The following NAALADL2 variants were observed in gnomAD, a reference collection of about 807,000 sequenced individuals.
NAALADL2 encodes the protein N-acetylated alpha-linked acidic dipeptidase like 2.
Under a neutral mutation model 87.2 loss-of-function variants are expected in NAALADL2, and 76 were observed. The ratio of observed to expected loss-of-function variants is 0.87; its 90% CI spans 0.72 to 1.05. NAALADL2 has a LOEUF of 1.05. Ranked by LOEUF, NAALADL2 falls within the 50% of genes least tolerant of loss-of-function variation. The pLI, the probability that NAALADL2 is intolerant of heterozygous loss-of-function variation, is 0.00. For missense variants in NAALADL2, 1,089 were observed against 945.8 expected (o/e 1.15, Z -1.99); for synonymous variants, 354 against 331.0 (o/e 1.07, Z -0.75).
chr3:175,046,821 G>A lies in NAALADL2; in HGVS notation c.44-49969G>A, dbSNP rs115331553. Among the ~76,000 whole-genome samples the A allele has an allele frequency of 6.8e-3, 1,030 of 152,216 alleles. 7 individuals are homozygous for A. The highest frequency in any genetic ancestry group is 0.024 in the African/African-American group (979 of 41,542). On this transcript the variant is annotated intron_variant, in intron 1 of 13. Transcript: ENST00000454872. ...GATAGCTCTGAAAACCATCATCCCT[G>A]CAAACGTAGTGAAAGCCAGCAACCT... is the stretch of plus-strand genomic sequence containing the variant.
At chr3:175,064,475 A>T (rs1714175543) in intron 1 of NAALADL2, among the ~76,000 whole-genome samples, 1 of 151,946 alleles carries the variant, frequency 6.6e-6, no homozygotes, top group Non-Finnish European at 1.5e-5. Flanking sequence ...GGGCGCCTTA[A>T]CTGCCCTCTC....
At chr3:174,779,322 G>GTTTT (rs200228189) in intron 3 of NAALADL2, among the ~76,000 whole-genome samples, 2 of 151,142 alleles carry the variant, frequency 1.3e-5, no homozygotes, top group African/African-American at 4.8e-5. Flanking sequence ...TTTTGATGGG[G>GTTTT]TTGTTTTTTT....
intron 2 of NAALADL2, among the ~76,000 whole-genome samples, chr3:175,207,828 G>A (rs971620008): frequency 8.5e-5 from 13 of 152,146 alleles, no homozygotes; most frequent in Non-Finnish European, 2.9e-5. Flanking sequence ...CACTGACAGA[G>A]CAGTGATGTC....
At chr3:175,710,039 T>G (rs1387061677) in intron 11 of NAALADL2, among the ~76,000 whole-genome samples, 1 of 152,068 alleles carries the variant, frequency 6.6e-6, no homozygotes, top group Non-Finnish European at 1.5e-5. Flanking sequence ...TCTTGTATTT[T>G]TTTTAAGATG....
chr3:175,723,283 C>T (rs1742487271), intron 11 of NAALADL2, among the ~76,000 whole-genome samples: 1 of 152,096 alleles, frequency 6.6e-6, no homozygotes, highest in South Asian at 2.1e-4. Context: ...CTTCAGTACT[C>T]TCAGTACTCC....
chr3:174,802,091 A>G (rs1718910392), intron 3 of NAALADL2, among the ~76,000 whole-genome samples: 1 of 152,082 alleles, frequency 6.6e-6, no homozygotes, highest in African/African-American at 2.4e-5. Context: ...TTTCAATGTC[A>G]GTCTATGTCC....
intron 1 of NAALADL2, among the ~76,000 whole-genome samples, chr3:174,460,508 A>T (rs1424589238): frequency 6.6e-6 from 1 of 152,084 alleles, no homozygotes; most frequent in African/African-American, 2.4e-5. Flanking sequence ...TTAGAAGCAT[A>T]TAAAGAAATA....
At chr3:174,675,801 TC>T (rs912467621) in intron 2 of NAALADL2, among the ~76,000 whole-genome samples, 1 of 152,050 alleles carries the variant, frequency 6.6e-6, no homozygotes, top group Non-Finnish European at 1.5e-5. Flanking sequence ...GATTTTATGT[TC>T]CAATGTTTTC....
intron 1 of NAALADL2, among the ~76,000 whole-genome samples, chr3:174,963,757 A>G (rs1233736079): frequency 6.6e-6 from 1 of 152,166 alleles, no homozygotes; most frequent in Non-Finnish European, 1.5e-5. Context: ...ACAGCTTAAA[A>G]TCATGTTTAG....
chr3:175,667,281 G>T (rs1733323814), intron 11 of NAALADL2, among the ~76,000 whole-genome samples: 2 of 150,978 alleles, frequency 1.3e-5, no homozygotes, highest in African/African-American at 2.5e-5. Flanking sequence ...AAGGGATGGG[G>T]ATCTGAAGGG....
At chr3:175,195,629 A>G (rs556268141) in intron 2 of NAALADL2, among the ~76,000 whole-genome samples, 2 of 151,916 alleles carry the variant, frequency 1.3e-5, no homozygotes, top group Non-Finnish European at 2.9e-5. Context: ...GCAAAGAGGT[A>G]AAAAAGAAGC....
intron 1 of NAALADL2, among the ~76,000 whole-genome samples, chr3:174,465,943 G>T (rs1268769371): frequency 6.6e-6 from 1 of 152,078 alleles, no homozygotes; most frequent in Non-Finnish European, 1.5e-5. Context: ...ATACCAAAGA[G>T]ACCCAACAGT....
intron 3 of NAALADL2, among the ~76,000 whole-genome samples, chr3:174,759,976 G>A (rs1172147017): frequency 4.6e-5 from 7 of 152,204 alleles, no homozygotes; most frequent in Non-Finnish European, 8.8e-5. Flanking sequence ...TGGGATTACA[G>A]GCATGAGCCA....
chr3:174,685,216 A>G (rs1170174845), intron 2 of NAALADL2, among the ~76,000 whole-genome samples: 1 of 152,146 alleles, frequency 6.6e-6, no homozygotes, highest in Non-Finnish European at 1.5e-5. Context: ...AACTGAACAC[A>G]TGATTTCAGT....
Position 175,361,192 on chromosome 3 carries a change from T to A in NAALADL2, c.1090+36867T>A, listed in dbSNP as rs567261811. ...TTCATCCATGTCCCTACGAAGGACA[T>A]GAACTCATCCTTTTTATGGCTGCAT... On this transcript the variant is annotated intron_variant, in intron 5 of 13. Transcript: ENST00000454872. Among the ~76,000 whole-genome samples, 28 of 152,234 alleles carry A rather than the reference T, an allele frequency of 1.8e-4. 1 individual carries two copies. In the East Asian group the frequency reaches 5.2e-3, roughly 28 times the overall value.
Position 175,326,837 on chromosome 3 carries a change from T to C in NAALADL2, c.1090+2512T>C, listed in dbSNP as rs148075866. On this transcript the variant is annotated intron_variant, in intron 5 of 13. Transcript: ENST00000454872. ...TGTGTGAGAATACTTCATGATCCAA[T>C]CGCCTCTTAAAGGTGGCACCTTTCA... Among the ~76,000 whole-genome samples the C allele has an allele frequency of 7.9e-5, 12 of 152,308 alleles. No homozygotes were observed. The East Asian group carries it at 2.3e-3, about 29-fold the overall frequency.
chr3:174,870,285 A>G (rs746521473), intron 1 of NAALADL2, among the ~76,000 whole-genome samples: 1 of 152,090 alleles, frequency 6.6e-6, no homozygotes, highest in Non-Finnish European at 1.5e-5. Context: ...TTCATTACCA[A>G]CCCATCCACC....
At chr3:175,098,291 T>C (rs1721497269) in intron 2 of NAALADL2, among the ~76,000 whole-genome samples, 1 of 152,166 alleles carries the variant, frequency 6.6e-6, no homozygotes, top group Non-Finnish European at 1.5e-5. Flanking sequence ...TGTTACCTTA[T>C]AATGAATGAT....
Position 174,893,315 on chromosome 3 carries a change from C to G in NAALADL2, c.43+33865C>G, listed in dbSNP as rs1295363396. On this transcript the variant is annotated intron_variant, in intron 1 of 13. Coordinates refer to ENST00000454872, the MANE Select transcript of NAALADL2 (RefSeq NM_207015.3). ...ATATCAAAGGGAGTACTTCAACCCCCCCCCGCAAAAAGTTATTATTGAGCA... is the reference window on the plus strand; with the variant it reads ...ATATCAAAGGGAGTACTTCAACCCCGCCCCGCAAAAAGTTATTATTGAGCA... 2.1e-5 allele frequency among the ~76,000 whole-genome samples: 3 copies of G among 142,984 alleles called. No homozygotes were observed. In the East Asian group the frequency reaches 6.6e-4, roughly 31 times the overall value. 93.8% of individuals were successfully genotyped at this position (142,984 alleles called of 152,430 possible).
Sources: allele counts gnomAD v4.1 joint callset (sites outside exome capture counted in the v4.1 genomes callset), GRCh38; gene constraint gnomAD v4.1.1; transcripts MANE v1.5; gene names NCBI Gene and HGNC (gene_info 2026-07-23, HGNC 2026-07-21).